PAPLN: variants seen among roughly 807,000 people sequenced by gnomAD.
PAPLN encodes the protein papilin, proteoglycan like sulfated glycoprotein, also known as papilin.
A neutral mutation model predicts 159.0 loss-of-function variants in PAPLN; 146 were observed. The observed-to-expected ratio is 0.92, with a 90% CI of 0.80 to 1.05. PAPLN has a LOEUF of 1.05. Ranked by LOEUF, PAPLN falls within the 50% of genes least tolerant of loss-of-function variation. PAPLN has a pLI of 0.00. For synonymous variants in PAPLN, 734 were observed against 702.9 expected, an observed-to-expected ratio of 1.04 and a Z score of -0.70; for missense variants, 1,720 against 1,743.9, an observed-to-expected ratio of 0.99 and a Z score of 0.24.
chr14:73,267,387 T>G (rs186783366), intron 25 of PAPLN, among the ~76,000 whole-genome samples: 2 of 152,344 alleles, frequency 1.3e-5, no homozygotes, highest in Admixed American at 1.3e-4. Flanking sequence ...GGCTAGGTTC[T>G]GGGGATCCTG....
At chr14:73,266,936 C>T in intron 25 of PAPLN, 105 bp downstream of exon 25, 3 of 1,145,700 alleles carry the variant, frequency 2.6e-6, no homozygotes, top group Middle Eastern at 4.7e-4. Flanking sequence ...TGCTTCCATT[C>T]CGGCTTCCAG....
chr14:73,237,543 G>C lies in PAPLN; in HGVS notation c.-56G>C, dbSNP rs1294741209. On this transcript the variant is annotated 5_prime_UTR_variant, in exon 1 of 27. Transcript: ENST00000644200. ...ACCTCGCGGGCTTGGGCCTGGGCGG[G>C]CACCGACGGAGCGGCCCTGGCTGCA... 6.6e-6 allele frequency: 1 copy of C among 152,292 alleles called. No homozygotes were observed. Among genetic ancestry groups the C allele is most frequent in the Non-Finnish European group, 1.5e-5 (1 of 68,088 alleles). 9.4% of individuals were successfully genotyped at this position (152,292 alleles called of 1,614,324 possible).
intron 5 of PAPLN, among the ~76,000 whole-genome samples, chr14:73,248,027 TGTTG>T (rs1411196769): frequency 1.3e-5 from 1 of 77,896 alleles, no homozygotes; most frequent in African/African-American, 6.3e-5. Flanking sequence ...TGTGTGTGTG[TGTTG>T]GGATTGTGGC....
chr14:73,254,589 C>G lies in PAPLN; in HGVS notation c.1379C>G (p.Thr460Ser). Residue 460 changes from threonine to serine, a missense_variant, in exon 13 of 27, where the codon ACC becomes AGC. Coordinates refer to ENST00000644200, the MANE Select transcript of PAPLN (RefSeq NM_001365906.3). Reference sequence around the variant, plus strand: ...GGTGAAAGGGGTTCTTTGCTCCATACCGCAGCGTGCTCCTTGGAAGACCGG... The same window carrying G: ...GGTGAAAGGGGTTCTTTGCTCCATAGCGCAGCGTGCTCCTTGGAAGACCGG... ...CRGERGSLLHTAACSLEDRPP... is the reference protein window; with the variant it reads ...CRGERGSLLHSAACSLEDRPP... The G allele has an allele frequency of 1.2e-6, 2 of 1,614,084 alleles. No homozygotes were observed. Among genetic ancestry groups the G allele is most frequent in the Non-Finnish European group, 1.7e-6 (2 of 1,179,946 alleles).
At chr14:73,239,853 G>GC (rs763962507) in intron 2 of PAPLN, 21 bp downstream of exon 2, 13 of 1,566,556 alleles carry the variant, frequency 8.3e-6, no homozygotes, top group South Asian at 6.9e-5. Context: ...TCCTGCCCCG[G>GC]CCCCCGGAGG....
chr14:73,264,037 G>A (rs549146086), intron 20 of PAPLN, 174 bp from the exon 21 acceptor site: 26 of 1,492,034 alleles, frequency 1.7e-5, no homozygotes, highest in African/African-American at 8.7e-5. Context: ...CTCCACCTCC[G>A]CTGACAGGTG....
rs767842951 is a variant in PAPLN at position 73,262,760 on chromosome 14, T to G, written c.2656T>G (p.Ser886Ala). 15 of 1,510,476 alleles carry G rather than the reference T, an allele frequency of 9.9e-6. No individual in the cohort carries two copies. The highest frequency in any genetic ancestry group is 1.3e-5 in the Non-Finnish European group (15 of 1,134,506). The allele number at this position is 1,510,476 out of a possible 1,614,324, so 93.6% of individuals were successfully genotyped here. The change falls in exon 19 of 27, where the codon TCC (serine) becomes GCC (alanine). Residue 886 changes from serine (S) to alanine (A), a missense_variant. Coordinates refer to ENST00000644200, the MANE Select transcript of PAPLN (RefSeq NM_001365906.3). ...GEWPWGQELGSRAPGLGGDAG... is the reference protein window; with the variant it reads ...GEWPWGQELGARAPGLGGDAG... ...ATGGCCATGGGGGCAGGAGCTTGGGTCCAGGGCCCCTGGACTGGGTGGAGA... is the reference window on the plus strand; with the variant it reads ...ATGGCCATGGGGGCAGGAGCTTGGGGCCAGGGCCCCTGGACTGGGTGGAGA...
rs1247094219 is a variant in PAPLN at position 73,245,778 on chromosome 14, G to A, written c.231+82G>A. On this transcript the variant is annotated intron_variant, in intron 4 of 26. Coordinates refer to ENST00000644200, the MANE Select transcript of PAPLN (RefSeq NM_001365906.3). This position sits in a 1 kb window ranked among gnomAD's most constrained non-coding sequence, Gnocchi z 4.2. ...TTTCCCCATTGGGATGCCCGCTCCT[G>A]GCCGCGGGCTGCTGGGTTGGCCCAG... The A allele has an allele frequency of 4.7e-6, 7 of 1,495,526 alleles. No homozygotes were observed. The Admixed American group carries it at 1.2e-4, about 26-fold the overall frequency. 92.6% of individuals were successfully genotyped at this position (1,495,526 alleles called of 1,614,324 possible). A position where few individuals can be genotyped will look rare whatever the true frequency, so the allele number is the denominator to read the frequency against.
chr14:73,241,015 G>A (rs573475220), intron 2 of PAPLN, among the ~76,000 whole-genome samples: 1 of 151,130 alleles, frequency 6.6e-6, no homozygotes, highest in Non-Finnish European at 1.5e-5. Context: ...GGGGAGGTCG[G>A]GGGGGGGATG....
intron 20 of PAPLN, 134 bp from the exon 21 acceptor site, chr14:73,264,077 C>G: frequency 6.5e-7 from 1 of 1,527,952 alleles, no homozygotes; most frequent in Non-Finnish European, 8.8e-7. Context: ...AAGCATATTC[C>G]CCCAGCCTCA....
Position 73,266,824 on chromosome 14 carries a change from T to C in PAPLN, c.3493T>C (p.Trp1165Arg), listed in dbSNP as rs1352346548. ...VVAGESVNIR[W>R]SRNGLPVQAD... ...AGCAGGAGAAAGTGTGAACATCAGGTGGTCCAGGTAAAGGCTCTATTCCAA... is the reference window on the plus strand; with the variant it reads ...AGCAGGAGAAAGTGTGAACATCAGGCGGTCCAGGTAAAGGCTCTATTCCAA... The change falls in exon 25 of 27, where the codon TGG (tryptophan) becomes CGG (arginine). Residue 1165 changes from tryptophan (W) to arginine (R), a missense_variant. Trp to Arg is a moderately radical substitution (Grantham distance 101). Coordinates refer to ENST00000644200, the MANE Select transcript of PAPLN (RefSeq NM_001365906.3). 6.2e-7 allele frequency: 1 copy of C among 1,611,052 alleles called. No homozygotes were observed. Among genetic ancestry groups the C allele is most frequent in the Non-Finnish European group, 8.5e-7 (1 of 1,178,542 alleles).
intron 26 of PAPLN, 172 bp from the exon 27 acceptor site, chr14:73,272,323 A>C: frequency 1.9e-6 from 1 of 513,996 alleles, no homozygotes; most frequent in Non-Finnish European, 3.2e-6. Flanking sequence ...AGAAATCATC[A>C]TCCCTCATAG....
intron 5 of PAPLN, among the ~76,000 whole-genome samples, chr14:73,247,122 C>T (rs1884489647): frequency 1.3e-5 from 2 of 152,098 alleles, no homozygotes; most frequent in Admixed American, 1.3e-4. Context: ...TGGGGAACCC[C>T]GGGAGCGGTA....
At chr14:73,248,462 C>T (rs1041278613) in intron 5 of PAPLN, among the ~76,000 whole-genome samples, 1 of 152,004 alleles carries the variant, frequency 6.6e-6, no homozygotes, top group Non-Finnish European at 1.5e-5. Flanking sequence ...GATTATAATC[C>T]TGTTTGTACT....
At position 73,239,829 on chromosome 14, in the gene PAPLN, C is replaced by G; in HGVS notation, c.51C>G (p.Ser17=). The G allele has an allele frequency of 1.9e-6, 3 of 1,589,514 alleles. No homozygotes were observed. Among genetic ancestry groups the G allele is most frequent in the Non-Finnish European group, 2.6e-6 (3 of 1,173,888 alleles). Residue 17 remains serine (S), a synonymous_variant, in exon 2 of 27, where the codon TCC becomes TCG. Transcript: ENST00000644200. Reference sequence around the variant, plus strand: ...TGCTGCTGGCTCCAGCGCCCGGGTCCTCGGTGAGTGCGGTCCTGCCCCGGC... The same window carrying G: ...TGCTGCTGGCTCCAGCGCCCGGGTCGTCGGTGAGTGCGGTCCTGCCCCGGC... ...VPLLLAPAPG[S]SAPKVRRQSD...
rs947258172 is a variant in PAPLN, at chr14:73,264,144, C to T, written c.2862-67C>T. The T allele has an allele frequency of 4.4e-5, 71 of 1,605,184 alleles. 1 individual carries two copies. Among genetic ancestry groups the T allele is most frequent in the South Asian group, 2.6e-4 (24 of 90,798 alleles). On this transcript the variant is annotated intron_variant, in intron 20 of 26. Transcript: ENST00000644200. ...GTCCCCTCTGGCACGAGCACCGAGG[C>T]GGAGGGAAGACTCACTGTTGCCCTT...
chr14:73,262,049 TG>T (rs1395909386), intron 18 of PAPLN: 2 of 363,158 alleles, frequency 5.5e-6, no homozygotes, highest in African/African-American at 4.2e-5. Flanking sequence ...GGTGGTCTGG[TG>T]GCAGGGAAGG....
Position 73,250,975 on chromosome 14 carries a change from C to T in PAPLN, c.534C>T (p.Asp178=), listed in dbSNP as rs142500393. Reference sequence around the variant, plus strand: ...ACAAGTGTCTGCGGTGTGGGGGTGACGGCACGACCTGCTACCCCGTCGCAG... The same window carrying T: ...ACAAGTGTCTGCGGTGTGGGGGTGATGGCACGACCTGCTACCCCGTCGCAG... ...QEDKCLRCGG[D]GTTCYPVAGT... Residue 178 remains aspartate (D), a synonymous_variant, in exon 7 of 27, where the codon GAC becomes GAT. Coordinates refer to ENST00000644200, the MANE Select transcript of PAPLN (RefSeq NM_001365906.3). The T allele has an allele frequency of 7.6e-4, 1,226 of 1,613,626 alleles. 17 individuals are homozygous for T. Among genetic ancestry groups the T allele is most frequent in the African/African-American group, 3.3e-4 (25 of 75,058 alleles).
chr14:73,238,479 T>C (rs909041462), intron 1 of PAPLN, among the ~76,000 whole-genome samples: 2 of 152,256 alleles, frequency 1.3e-5, no homozygotes, highest in Non-Finnish European at 2.9e-5. Flanking sequence ...GAATGGCAGA[T>C]ATGGGCTTGG....
Sources: allele counts gnomAD v4.1 joint callset (sites outside exome capture counted in the v4.1 genomes callset), GRCh38; gene constraint gnomAD v4.1.1; non-coding constraint Gnocchi (gnomAD v3.1); transcripts MANE v1.5; gene names NCBI Gene and HGNC (gene_info 2026-07-23, HGNC 2026-07-21).